Variants in POU2F2 observed in about 807,000 individuals in gnomAD.
POU2F2 encodes POU class 2 homeobox 2, also known as POU domain, class 2, transcription factor 2.
A neutral mutation model predicts 63.5 loss-of-function variants in POU2F2; 14 were observed. The observed-to-expected ratio is 0.22, with a 90% CI of 0.15 to 0.34. The LOEUF (loss-of-function observed/expected upper bound fraction) is 0.34. Among genes scored for constraint, POU2F2 ranks in the 10% least tolerant of loss-of-function variants. POU2F2 has a pLI of 1.00. For missense variants in POU2F2, 607 were observed against 815.2 expected, an observed-to-expected ratio of 0.74 and a Z score of 3.11; for synonymous variants, 306 against 348.6, an observed-to-expected ratio of 0.88 and a Z score of 1.36.
At chr19:42,163,838 T>C (rs1214042404) in intron 1 of POU2F2, among the ~76,000 whole-genome samples, 2 of 152,164 alleles carry the variant, frequency 1.3e-5, no homozygotes, top group Non-Finnish European at 2.9e-5. Flanking sequence ...GATAGTATAG[T>C]GGCCATACAA....
intron 1 of POU2F2, among the ~76,000 whole-genome samples, chr19:42,193,972 C>A (rs1363329752): frequency 6.6e-6 from 1 of 152,178 alleles, no homozygotes; most frequent in Non-Finnish European, 1.5e-5. Flanking sequence ...ATAGAAGAAT[C>A]TCACAAACAC....
intron 1 of POU2F2, among the ~76,000 whole-genome samples, chr19:42,182,985 C>T (rs572273827): frequency 1.3e-5 from 2 of 152,274 alleles, no homozygotes; most frequent in South Asian, 4.2e-4. Flanking sequence ...AAGTGAGGGC[C>T]TGCTGAGCAG....
rs556516725 is a variant in POU2F2 at position 42,151,014 on chromosome 19, C to T, written c.-9+9318G>A. On this transcript the variant is annotated intron_variant, in intron 2 of 6. Transcript: ENST00000524801. ...CTCAGAGTACCCACACACACATATC[C>T]ATGGTGGGCTGAGGGCCCTGGCCAG... is the stretch of plus-strand genomic sequence containing the variant. Among the ~76,000 whole-genome samples, 27 of 152,362 alleles carry T rather than the reference C, an allele frequency of 1.8e-4. No homozygotes were observed. In the East Asian group the frequency reaches 3.7e-3, roughly 21 times the overall value.
At chr19:42,167,463 C>CAAAAAAAAA (rs759561409) in intron 1 of POU2F2, among the ~76,000 whole-genome samples, 1 of 121,134 alleles carries the variant, frequency 8.3e-6, no homozygotes. Flanking sequence ...CCCCAAACTC[C>CAAAAAAAAA]AAAAAAAAAA....
intron 14 of POU2F2, 116 bp downstream of exon 14, chr19:42,091,751 A>G: frequency 6.5e-7 from 1 of 1,549,786 alleles, no homozygotes; most frequent in Non-Finnish European, 8.7e-7. Flanking sequence ...GGGTATGAAG[A>G]GGCAAGCAAT....
At chr19:42,143,830 CA>C (rs1302531455) in intron 2 of POU2F2, among the ~76,000 whole-genome samples, 1 of 152,182 alleles carries the variant, frequency 6.6e-6, no homozygotes, top group Non-Finnish European at 1.5e-5. Context: ...TCCAGAATTA[CA>C]CTTAAACACC....
rs764846791 is a variant in POU2F2, at chr19:42,095,266, C to A, written c.1197+20G>T. The A allele has an allele frequency of 3.7e-6, 6 of 1,605,764 alleles. 1 individual carries two copies. In the South Asian group the frequency reaches 6.6e-5, roughly 18 times the overall value. Reference sequence around the variant, plus strand: ...GCGGAGCTCTGTGGTCTCCCCACCCCCCAGGCGGGCTCTTGGTACCATATG... The same window carrying A: ...GCGGAGCTCTGTGGTCTCCCCACCCACCAGGCGGGCTCTTGGTACCATATG... On this transcript the variant is annotated intron_variant, in intron 11 of 14. Transcript: ENST00000692977. The surrounding 1 kb of genome is among the most constrained non-coding windows in gnomAD (Gnocchi z 7.1).
intron 12 of POU2F2, among the ~76,000 whole-genome samples, chr19:42,093,138 G>C (rs2076795973): frequency 6.6e-6 from 1 of 150,534 alleles, no homozygotes; most frequent in Non-Finnish European, 1.5e-5. Context: ...AGCCTCCCGA[G>C]TAGCTGGGAT....
At chr19:42,173,548 C>T (rs962779671) in intron 1 of POU2F2, among the ~76,000 whole-genome samples, 11 of 148,870 alleles carry the variant, frequency 7.4e-5, no homozygotes, top group African/African-American at 2.0e-4. Context: ...TGGCCACTGA[C>T]GGACTTGCTA....
Position 42,089,476 on chromosome 19 carries a change from CCT to C in POU2F2, c.*1779_*1780del, listed in dbSNP as rs1005943148. On this transcript the variant is annotated 3_prime_UTR_variant, in exon 15 of 15. Coordinates refer to ENST00000692977, the MANE Select transcript of POU2F2 (RefSeq NM_001394376.1). ...GGCTCTTCACCCCTGTCCCTGATAC[CCT>C]CTCTCAGCCCCGCCCACCCGCTTCC... 1.3e-5 allele frequency: 2 copies of C among 152,168 alleles called. No individual in the cohort carries two copies. The highest frequency in any genetic ancestry group is 4.8e-5 in the African/African-American group (2 of 41,272). The allele number at this position is 152,168 out of a possible 1,614,324, so 9.4% of individuals were successfully genotyped here. A position where few individuals can be genotyped will look rare whatever the true frequency, so the allele number is the denominator to read the frequency against.
chr19:42,176,799 C>G (rs942714032), upstream of POU2F2, among the ~76,000 whole-genome samples: 1 of 151,744 alleles, frequency 6.6e-6, no homozygotes, highest in African/African-American at 2.4e-5. Context: ...GCGAGAGGGC[C>G]GGGGCCGCGG....
intron 2 of POU2F2, among the ~76,000 whole-genome samples, chr19:42,151,263 C>T (rs2034343572): frequency 6.6e-6 from 1 of 151,386 alleles, no homozygotes; most frequent in African/African-American, 2.4e-5. Flanking sequence ...TGGCCTGGTA[C>T]TCAGGGAAGC....
intron 2 of POU2F2, among the ~76,000 whole-genome samples, chr19:42,141,965 T>C (rs1852289480): frequency 6.6e-6 from 1 of 152,208 alleles, no homozygotes; most frequent in Non-Finnish European, 1.5e-5. Context: ...TGAAAGAGAA[T>C]GAGACTGATC....
At chr19:42,132,274 G>A in intron 1 of POU2F2, 110 bp downstream of exon 1, 1 of 1,281,596 alleles carries the variant, frequency 7.8e-7, no homozygotes, top group Non-Finnish European at 1.1e-6. Context: ...AGAGTACAGA[G>A]GAGAAGGACA....
chr19:42,091,325 AAGT>A lies in POU2F2; in HGVS notation c.1804_1806del (p.Thr602del). ...GGGGTCTGTGCTGCCGTCTCGCTGC[AAGT>A]GGAGGAGGAGGAGGATGAGGATGAA... is the stretch of plus-strand genomic sequence containing the variant. On this transcript the variant is annotated inframe_deletion, in exon 15 of 15. Transcript: ENST00000692977. 1 of 1,534,972 alleles carries A rather than the reference AAGT, an allele frequency of 6.5e-7. No homozygotes were observed. The highest frequency in any genetic ancestry group is 2.0e-5 in the Admixed American group (1 of 50,954).
chr19:42,196,724 CTT>C (rs2035151246), upstream of POU2F2: 1 of 152,446 alleles, frequency 6.6e-6, no homozygotes, highest in South Asian at 2.1e-4. Context: ...CGCCCGCACT[CTT>C]GACTAGCTCA....
rs1568978151 is a variant in POU2F2 at position 42,095,538 on chromosome 19, GC to G, written c.1020+6del. 1 of 1,600,432 alleles carries G rather than the reference GC, an allele frequency of 6.2e-7. No individual in the cohort carries two copies. The highest frequency in any genetic ancestry group is 1.7e-5 in the Admixed American group (1 of 58,408). The stretch of plus-strand genomic sequence containing the variant: ...GGTGAGGGCCACCCAGGAGAGGGGG[GC>G]CTCACCGCTAGAAAACTCTTCTCTA... On this transcript the variant is annotated splice_donor_region_variant and intron_variant, in intron 10 of 14. Transcript: ENST00000692977. This position sits in a 1 kb window ranked among gnomAD's most constrained non-coding sequence, Gnocchi z 7.1.
At chr19:42,121,163 T>C (rs1483132726) in intron 4 of POU2F2, among the ~76,000 whole-genome samples, 1 of 152,068 alleles carries the variant, frequency 6.6e-6, no homozygotes, top group African/African-American at 2.4e-5. Flanking sequence ...GGGCAATGGA[T>C]ACACGCTGTG....
chr19:42,093,007 ATATTT>A (rs1354502724), intron 12 of POU2F2, among the ~76,000 whole-genome samples: 6 of 62,266 alleles, frequency 9.6e-5, no homozygotes, highest in African/African-American at 2.5e-4. Flanking sequence ...ATATATATAT[ATATTT>A]TTTTTTTTTT....
Sources: allele counts gnomAD v4.1 joint callset (sites outside exome capture counted in the v4.1 genomes callset), GRCh38; gene constraint gnomAD v4.1.1; non-coding constraint Gnocchi (gnomAD v3.1); transcripts MANE v1.5; gene names NCBI Gene and HGNC (gene_info 2026-07-23, HGNC 2026-07-21).